Variants in COL23A1 observed in about 807,000 individuals in gnomAD.
The protein encoded by COL23A1 is collagen alpha-1(XXIII) chain.
COL23A1 carries 97 observed loss-of-function variants against 99.3 expected under a neutral mutation model. The observed-to-expected ratio is 0.98, with a 90% CI of 0.83 to 1.16. The LOEUF is 1.16. Ranked by LOEUF, COL23A1 falls within the 50% of genes most tolerant of loss-of-function variation. The probability of loss-of-function intolerance (pLI) is 0.00; values close to 1 mark genes in which losing one functional copy is unlikely to be tolerated. For synonymous variants in COL23A1, 320 were observed against 308.2 expected (o/e 1.04, Z -0.40); for missense variants, 762 against 757.4 (o/e 1.01, Z -0.07).
chr5:178,365,548 G>A lies in COL23A1; in HGVS notation c.362-58629C>T, dbSNP rs918454900. On this transcript the variant is annotated intron_variant, in intron 2 of 28. Coordinates refer to ENST00000390654, the MANE Select transcript of COL23A1 (RefSeq NM_173465.4). This position sits in a 1 kb window ranked among gnomAD's most constrained non-coding sequence, Gnocchi z 5.2. ...CACAAGCCTCCTTGGCAGGGATGAGGGGTCCTCAGGTCTGGCTGGGCCCAC... is the reference window on the plus strand; with the variant it reads ...CACAAGCCTCCTTGGCAGGGATGAGAGGTCCTCAGGTCTGGCTGGGCCCAC... 6.6e-6 allele frequency among the ~76,000 whole-genome samples: 1 copy of A among 152,100 alleles called. No individual in the cohort carries two copies. The highest frequency in any genetic ancestry group is 1.5e-5 in the Non-Finnish European group (1 of 68,024).
At position 178,242,494 on chromosome 5, in the gene COL23A1, T is replaced by C. The variant is rs1209718882; in HGVS notation, c.1441-100A>G. On this transcript the variant is annotated intron_variant, in intron 25 of 28. Transcript: ENST00000390654. ...TCCTCTCCCATCCACACGCCCACTTTCCCCCCTGCATATTCGTGGCACACG... is the reference window on the plus strand; with the variant it reads ...TCCTCTCCCATCCACACGCCCACTTCCCCCCCTGCATATTCGTGGCACACG... The C allele has an allele frequency of 4.1e-6, 5 of 1,206,352 alleles. No homozygotes were observed. In the African/African-American group the frequency reaches 6.0e-5, roughly 15 times the overall value. 74.7% of individuals were successfully genotyped at this position (1,206,352 alleles called of 1,614,324 possible).
chr5:178,362,497 T>G (rs1385416545), intron 2 of COL23A1, among the ~76,000 whole-genome samples: 1 of 152,102 alleles, frequency 6.6e-6, no homozygotes, highest in Non-Finnish European at 1.5e-5. Flanking sequence ...CACTTTTCCT[T>G]TGAAGAGCCA....
intron 5 of COL23A1, among the ~76,000 whole-genome samples, chr5:178,275,678 T>C (rs1756544630): frequency 6.6e-6 from 1 of 152,128 alleles, no homozygotes; most frequent in Non-Finnish European, 1.5e-5. Context: ...AACTGCTCCG[T>C]AGATACCAAT....
At chr5:178,266,849 C>T (rs1373439675) in intron 8 of COL23A1, among the ~76,000 whole-genome samples, 2 of 152,252 alleles carry the variant, frequency 1.3e-5, no homozygotes, top group South Asian at 2.1e-4. Context: ...CCATAACAAC[C>T]TCTTGGGGTG....
intron 2 of COL23A1, among the ~76,000 whole-genome samples, chr5:178,330,952 C>T (rs917617022): frequency 1.3e-5 from 2 of 152,268 alleles, no homozygotes; most frequent in Non-Finnish European, 2.9e-5. Context: ...TCCGCCTTCA[C>T]TCTGTCACAT....
intron 2 of COL23A1, among the ~76,000 whole-genome samples, chr5:178,364,131 C>T (rs750356707): frequency 3.3e-5 from 5 of 152,210 alleles, no homozygotes; most frequent in Non-Finnish European, 5.9e-5. Flanking sequence ...GCCACATGGA[C>T]ATTTAAAGCC....
In COL23A1 at chr5:178,589,905, T is replaced by C. The variant is rs1581695728; in HGVS notation, c.293A>G (p.Glu98Gly). The C allele has an allele frequency of 2.3e-6, 3 of 1,311,870 alleles. No individual in the cohort carries two copies. Among genetic ancestry groups the C allele is most frequent in the South Asian group, 2.2e-5 (1 of 46,406 alleles). The allele number at this position is 1,311,870 out of a possible 1,614,324, so 81.3% of individuals were successfully genotyped here. The change falls in exon 1 of 29, where the codon GAG becomes GGG. Residue 98 changes from glutamate to glycine, a missense_variant and splice_region_variant. By Grantham distance (98) the Glu-to-Gly change is moderately conservative. Transcript: ENST00000390654. This position sits in a 1 kb window ranked among gnomAD's most constrained non-coding sequence, Gnocchi z 5.4. Reference protein sequence around the residue: ...AEPHLERLLREKLDGLAKIRT... With the variant: ...AEPHLERLLRGKLDGLAKIRT... ...CCAGCCACGCGCCAAGACGCTCACC[T>C]CCCGCAGCAGGCGCTCCAGGTGCGG...
intron 2 of COL23A1, among the ~76,000 whole-genome samples, chr5:178,348,201 C>G (rs1475353276): frequency 5.9e-5 from 9 of 152,284 alleles, no homozygotes; most frequent in Non-Finnish European, 4.4e-5. Flanking sequence ...CCGCCCAGGG[C>G]TTGGGCGGGC....
At chr5:178,400,560 T>C (rs1764392445) in intron 2 of COL23A1, among the ~76,000 whole-genome samples, 1 of 152,146 alleles carries the variant, frequency 6.6e-6, no homozygotes, top group Non-Finnish European at 1.5e-5. Flanking sequence ...ACATAAAAGT[T>C]ACCATTTTAA....
At chr5:178,359,484 C>T (rs532263039) in intron 2 of COL23A1, among the ~76,000 whole-genome samples, 1 of 152,298 alleles carries the variant, frequency 6.6e-6, no homozygotes, top group Admixed American at 6.5e-5. Flanking sequence ...GCTGAGATCA[C>T]ACCACTGCAC....
intron 2 of COL23A1, among the ~76,000 whole-genome samples, chr5:178,397,554 A>T (rs1306879039): frequency 6.6e-6 from 1 of 152,170 alleles, no homozygotes. Flanking sequence ...ATCCGCCCCC[A>T]CTCATGCCGC....
chr5:178,252,522 A>T, intron 17 of COL23A1, 22 bp downstream of exon 17: 1 of 1,606,576 alleles, frequency 6.2e-7, no homozygotes, highest in Non-Finnish European at 8.5e-7. Flanking sequence ...TTGGGGGACC[A>T]CATAGCTGCA....
intron 12 of COL23A1, among the ~76,000 whole-genome samples, 176 bp from the exon 13 acceptor site, chr5:178,257,743 A>C (rs187160680): frequency 2.6e-5 from 4 of 152,282 alleles, no homozygotes; most frequent in African/African-American, 7.2e-5. Context: ...GGTCAGACCC[A>C]TCTCTGTGTG....
rs971710234 is a variant in COL23A1 at position 178,415,746 on chromosome 5, C to T, written c.362-108827G>A. On this transcript the variant is annotated intron_variant, in intron 2 of 28. Transcript: ENST00000390654. This position sits in a 1 kb window ranked among gnomAD's most constrained non-coding sequence, Gnocchi z 4.6. ...ACAAGGGGATGCAGAAGAGTGAGCA[C>T]GAGGTTCTTGCCCACAGAGAGCTCC... 1.4e-4 allele frequency among the ~76,000 whole-genome samples: 21 copies of T among 152,132 alleles called. No individual in the cohort carries two copies. The highest frequency in any genetic ancestry group is 8.8e-5 in the Non-Finnish European group (6 of 68,022).
chr5:178,371,284 G>C (rs1359558542), intron 2 of COL23A1, among the ~76,000 whole-genome samples: 1 of 152,166 alleles, frequency 6.6e-6, no homozygotes, highest in Non-Finnish European at 1.5e-5. Context: ...ACATGGGTTC[G>C]ACCAGTGTCA....
At chr5:178,561,451 T>C (rs1212567943) in intron 1 of COL23A1, among the ~76,000 whole-genome samples, 1 of 152,146 alleles carries the variant, frequency 6.6e-6, no homozygotes, top group Non-Finnish European at 1.5e-5. Context: ...TCCCCTACAA[T>C]GCAGGGACTG....
rs906720592 is a variant in COL23A1 at position 178,458,649 on chromosome 5, C to A, written c.361+102033G>T. On this transcript the variant is annotated intron_variant, in intron 2 of 28. Coordinates refer to ENST00000390654, the MANE Select transcript of COL23A1 (RefSeq NM_173465.4). The stretch of plus-strand genomic sequence containing the variant: ...AAGACTCTGTCTCCAAAAAAAAAAA[C>A]ACAAGAAACAAAACAAACAAACAAA... Among the ~76,000 whole-genome samples, 503 of 143,444 alleles carry A rather than the reference C, an allele frequency of 3.5e-3. 4 individuals are homozygous for A. Among genetic ancestry groups the A allele is most frequent in the African/African-American group, 0.012 (489 of 39,760 alleles). The allele number at this position is 143,444 out of a possible 152,430, so 94.1% of individuals were successfully genotyped here. A position where few individuals can be genotyped will look rare whatever the true frequency, so the allele number is the denominator to read the frequency against.
chr5:178,251,371 T>C (rs906906903), intron 17 of COL23A1, among the ~76,000 whole-genome samples: 14 of 151,950 alleles, frequency 9.2e-5, no homozygotes, highest in Non-Finnish European at 1.9e-4. Flanking sequence ...GCTGGATACA[T>C]TAAATATGAA....
chr5:178,386,354 G>C (rs999348404), intron 2 of COL23A1, among the ~76,000 whole-genome samples: 1 of 151,836 alleles, frequency 6.6e-6, no homozygotes, highest in Non-Finnish European at 1.5e-5. Context: ...CAGGAGAATC[G>C]CTTGAACCCA....
Sources: gnomAD v4.1 joint callset for allele counts (sites outside exome capture counted in the v4.1 genomes callset) on GRCh38, gnomAD v4.1.1 for gene constraint, Gnocchi (gnomAD v3.1) non-coding constraint, MANE v1.5 for transcripts, NCBI Gene and HGNC (gene_info 2026-07-23, HGNC 2026-07-21) for gene names.